Variants in IFT52 observed in about 807,000 individuals in gnomAD.
IFT52 encodes the protein intraflagellar transport protein 52 homolog.
IFT52 carries 44 observed loss-of-function variants against 54.4 expected under a neutral mutation model. The observed-to-expected ratio is 0.81, with a 90% CI of 0.63 to 1.04. IFT52 has a LOEUF of 1.04. Among genes scored for constraint, IFT52 ranks in the 50% least tolerant of loss-of-function variants. The pLI, the probability that IFT52 is intolerant of heterozygous loss-of-function variation, is 0.00. For missense variants in IFT52, 452 were observed against 523.6 expected, an observed-to-expected ratio of 0.86 and a Z score of 1.33; for synonymous variants, 181 against 185.3, an observed-to-expected ratio of 0.98 and a Z score of 0.19.
At chr20:43,591,927 GATAAA>G (rs1240544879) in intron 1 of IFT52, among the ~76,000 whole-genome samples, 1 of 152,142 alleles carries the variant, frequency 6.6e-6, no homozygotes, top group African/African-American at 2.4e-5. Context: ...CTTACAGGTA[GATAAA>G]ATATATTAGA....
chr20:43,646,730 G>C (rs919550815), intron 13 of IFT52, among the ~76,000 whole-genome samples: 3 of 152,134 alleles, frequency 2.0e-5, no homozygotes, highest in African/African-American at 7.2e-5. Flanking sequence ...CATGGTGGGT[G>C]GTGGGCAGTG....
At chr20:43,607,855 C>G (rs1983076482) in intron 6 of IFT52, among the ~76,000 whole-genome samples, 1 of 152,162 alleles carries the variant, frequency 6.6e-6, no homozygotes, top group African/African-American at 2.4e-5. Context: ...AGCCTGGGCA[C>G]CGTTGAGCAC....
At chr20:43,607,337 G>A (rs1216624379) in intron 6 of IFT52, among the ~76,000 whole-genome samples, 1 of 151,742 alleles carries the variant, frequency 6.6e-6, no homozygotes, top group Non-Finnish European at 1.5e-5. Flanking sequence ...CCCGGACTGG[G>A]TGGCTGCCGG....
chr20:43,592,281 A>T (rs1373725141), intron 1 of IFT52, among the ~76,000 whole-genome samples: 1 of 152,044 alleles, frequency 6.6e-6, no homozygotes, highest in Non-Finnish European at 1.5e-5. Flanking sequence ...GCGAGCCGAG[A>T]TTGCACCACT....
Position 43,596,373 on chromosome 20 carries a change from A to C in IFT52, c.120-62A>C. 5.5e-6 allele frequency: 6 copies of C among 1,096,044 alleles called. No individual in the cohort carries two copies. In the South Asian group the frequency reaches 8.1e-5, roughly 15 times the overall value. 67.9% of individuals were successfully genotyped at this position (1,096,044 alleles called of 1,614,324 possible). On this transcript the variant is annotated intron_variant, in intron 2 of 13. Transcript: ENST00000373030. ...TGCTTCCAAATAGTTAAGAGACTAA[A>C]ATAATACATAAATTGGTTTAAATTA...
At position 43,591,024 on chromosome 20, in the gene IFT52, C is replaced by A. The variant is rs568217737; in HGVS notation, c.-37C>A. ...TACCTGGCCGCGGGATGCTGGGCGG[C>A]GTCAGGTGAGCGGTGGTCGCTGGGC... On this transcript the variant is annotated 5_prime_UTR_variant, in exon 1 of 14. Coordinates refer to ENST00000373030, the MANE Select transcript of IFT52 (RefSeq NM_016004.5). 7 of 152,396 alleles carry A rather than the reference C, an allele frequency of 4.6e-5. No homozygotes were observed. The East Asian group carries it at 1.4e-3, about 29-fold the overall frequency. The allele number at this position is 152,396 out of a possible 1,614,324, so 9.4% of individuals were successfully genotyped here.
At position 43,646,949 on chromosome 20, in the gene IFT52, A is replaced by T. The variant is rs746722134; in HGVS notation, c.1280A>T (p.Asp427Val). The change falls in exon 14 of 14, where the codon GAT (aspartate) becomes GTT (valine). Residue 427 changes from aspartate (D) to valine (V), a missense_variant. Coordinates refer to ENST00000373030, the MANE Select transcript of IFT52 (RefSeq NM_016004.5). ...FKKLNQEHDI[D>V]TSETAFQNNF The stretch of plus-strand genomic sequence containing the variant: ...TCTCTCATCCAGGAACATGACATCG[A>T]TACAAGTGAAACAGCATTCCAGAAC... The T allele has an allele frequency of 6.2e-7, 1 of 1,613,910 alleles. No homozygotes were observed. The highest frequency in any genetic ancestry group is 8.5e-7 in the Non-Finnish European group (1 of 1,179,806).
At chr20:43,591,390 T>C (rs562281872) in intron 1 of IFT52, among the ~76,000 whole-genome samples, 523 of 152,320 alleles carry the variant, frequency 3.4e-3, no homozygotes, top group Non-Finnish European at 5.6e-3. Context: ...GTAATGTTAT[T>C]GAAGAGAAAG....
At chr20:43,591,926 A>G (rs1363525012) in intron 1 of IFT52, among the ~76,000 whole-genome samples, 2 of 152,236 alleles carry the variant, frequency 1.3e-5, no homozygotes, top group Admixed American at 6.5e-5. Context: ...GCTTACAGGT[A>G]GATAAAATAT....
At chr20:43,591,903 G>A (rs1177103470) in intron 1 of IFT52, among the ~76,000 whole-genome samples, 1 of 151,946 alleles carries the variant, frequency 6.6e-6, no homozygotes, top group Non-Finnish European at 1.5e-5. Context: ...AAAAAGTTTG[G>A]GACTCAGCAG....
rs1402954312 is a variant in IFT52, at chr20:43,636,114, C to G, written c.1011+101C>G. On this transcript the variant is annotated intron_variant, in intron 11 of 13. Transcript: ENST00000373030. ...GGTCCCTTCCATGTGCCATTTGTGG[C>G]ACTCCTTGTGGAGTCATAGTGCTCT... 2.7e-6 allele frequency: 3 copies of G among 1,096,668 alleles called. No homozygotes were observed. In the African/African-American group the frequency reaches 4.6e-5, roughly 17 times the overall value. The allele number at this position is 1,096,668 out of a possible 1,614,324, so 67.9% of individuals were successfully genotyped here. A position where few individuals can be genotyped will look rare whatever the true frequency, so the allele number is the denominator to read the frequency against.
chr20:43,598,722 A>C (rs1271639700), intron 3 of IFT52, among the ~76,000 whole-genome samples: 1 of 152,166 alleles, frequency 6.6e-6, no homozygotes, highest in African/African-American at 2.4e-5. Context: ...AAAACTGCTG[A>C]ACTATATACT....
At chr20:43,613,730 C>A in intron 6 of IFT52, 120 bp from the exon 7 acceptor site, 1 of 970,376 alleles carries the variant, frequency 1.0e-6, no homozygotes, top group Non-Finnish European at 1.6e-6. Flanking sequence ...GCACTGCAGC[C>A]TGGGTGACTG....
At chr20:43,617,627 A>G (rs368573771) in intron 7 of IFT52, among the ~76,000 whole-genome samples, 1 of 152,196 alleles carries the variant, frequency 6.6e-6, no homozygotes, top group African/African-American at 2.4e-5. Flanking sequence ...TATTTTTAAT[A>G]GAGACGGAGT....
intron 3 of IFT52, among the ~76,000 whole-genome samples, chr20:43,597,882 G>C (rs1982108488): frequency 9.9e-6 from 1 of 100,706 alleles, no homozygotes; most frequent in African/African-American, 3.9e-5. Flanking sequence ...AACAGAGTGA[G>C]ACTCTTTCAA....
At chr20:43,617,628 G>A (rs147884008) in intron 7 of IFT52, among the ~76,000 whole-genome samples, 1 of 152,154 alleles carries the variant, frequency 6.6e-6, no homozygotes, top group East Asian at 1.9e-4. Context: ...ATTTTTAATA[G>A]AGACGGAGTT....
chr20:43,626,022 G>GA (rs11403788), intron 10 of IFT52, among the ~76,000 whole-genome samples: 66,759 of 96,500 alleles, frequency 0.69, 23,018 homozygotes, highest in East Asian at 0.79. Flanking sequence ...CTTGTCTCCG[G>GA]AAAAAAAAAA....
Position 43,620,769 on chromosome 20 carries a change from A to G in IFT52, c.700-88A>G, listed in dbSNP as rs944488195. ...CTGGTTTAATCTTTCTTCCTTTATC[A>G]TTCTTCTTGATTTAATTCTCTAGTC... On this transcript the variant is annotated intron_variant, in intron 8 of 13. Transcript: ENST00000373030. 27 of 924,318 alleles carry G rather than the reference A, an allele frequency of 2.9e-5. No individual in the cohort carries two copies. In the East Asian group the frequency reaches 6.6e-4, roughly 22 times the overall value. The allele number at this position is 924,318 out of a possible 1,614,324, so 57.3% of individuals were successfully genotyped here.
rs1984430819 is a variant in IFT52, at chr20:43,622,777, A to T, written c.769-1114A>T. On this transcript the variant is annotated intron_variant, in intron 9 of 13. Transcript: ENST00000373030. ...TATAAATATATACAAATTGTGTGTA[A>T]ATATAAATATATACATATTTTTATA... Among the ~76,000 whole-genome samples, 6 of 143,796 alleles carry T rather than the reference A, an allele frequency of 4.2e-5. 1 individual carries two copies. The highest frequency in any genetic ancestry group is 2.2e-4 in the South Asian group (1 of 4,564). 94.3% of individuals were successfully genotyped at this position (143,796 alleles called of 152,430 possible). A position where few individuals can be genotyped will look rare whatever the true frequency, so the allele number is the denominator to read the frequency against.
Sources: allele counts gnomAD v4.1 joint callset (sites outside exome capture counted in the v4.1 genomes callset), GRCh38; gene constraint gnomAD v4.1.1; transcripts MANE v1.5; gene names NCBI Gene and HGNC (gene_info 2026-07-23, HGNC 2026-07-21).